ANTXR2: variants seen among roughly 807,000 people sequenced by gnomAD.
ANTXR2 encodes the protein anthrax toxin receptor 2.
ANTXR2 carries 44 observed loss-of-function variants against 73.7 expected under a neutral mutation model. That is an observed-to-expected ratio of 0.60 (90% CI 0.47 to 0.77). ANTXR2 has a LOEUF of 0.77. Ranked by LOEUF, ANTXR2 falls within the 30% of genes least tolerant of loss-of-function variation. The pLI, the probability that ANTXR2 is intolerant of heterozygous loss-of-function variation, is 0.00. For missense variants in ANTXR2, 604 were observed against 592.5 expected, an observed-to-expected ratio of 1.02 and a Z score of -0.20; for synonymous variants, 217 against 205.9, an observed-to-expected ratio of 1.05 and a Z score of -0.46.
intron 12 of ANTXR2, among the ~76,000 whole-genome samples, chr4:79,986,632 G>A (rs55790711): frequency 0.38 from 57,170 of 152,002 alleles, 12,446 homozygotes; most frequent in Non-Finnish European, 0.47. Flanking sequence ...TCATTTGTCT[G>A]CACCTCACAC....
intron 11 of ANTXR2, among the ~76,000 whole-genome samples, chr4:80,012,489 G>T (rs906514949): frequency 2.6e-5 from 4 of 152,152 alleles, no homozygotes; most frequent in Non-Finnish European, 4.4e-5. Flanking sequence ...CAATGGTAGA[G>T]TTAAGTAGTT....
At chr4:79,925,653 G>C (rs1200444030) in intron 16 of ANTXR2, among the ~76,000 whole-genome samples, 2 of 152,082 alleles carry the variant, frequency 1.3e-5, no homozygotes, top group African/African-American at 2.4e-5. Context: ...TATATCAAGA[G>C]AGTCATTCTC....
Position 79,977,642 on chromosome 4 carries a change from C to T in ANTXR2, c.1407G>A (p.Met469Ile), listed in dbSNP as rs1177691210. Residue 469 changes from methionine (M) to isoleucine (I), a missense_variant, in exon 16 of 17, where the codon ATG becomes ATA. Met to Ile is a conservative substitution (Grantham distance 10). Transcript: ENST00000403729. ...AAACCTCATCTCCTTCCTGAGGTCGCATCAAAGAAACCCGGTCATACTGCC... is the reference window on the plus strand; with the variant it reads ...AAACCTCATCTCCTTCCTGAGGTCGTATCAAAGAAACCCGGTCATACTGCC... ...LRRQYDRVSL[M>I]RPQEGDEGRC... 13 of 1,579,892 alleles carry T rather than the reference C, an allele frequency of 8.2e-6. No individual in the cohort carries two copies. The highest frequency in any genetic ancestry group is 1.0e-5 in the Non-Finnish European group (12 of 1,161,896).
intron 12 of ANTXR2, among the ~76,000 whole-genome samples, chr4:79,989,733 A>G (rs1182499965): frequency 6.6e-6 from 1 of 152,120 alleles, no homozygotes; most frequent in East Asian, 1.9e-4. Context: ...AAAATCCTCA[A>G]CAAAATACTA....
rs746115865 is a variant in ANTXR2 at position 79,910,813 on chromosome 4, G to A, written c.1429-3346C>T. ...CAGTGGAAAGGAGAGAAGAAAATAC[G>A]GAGAAAATAGATGAGAGTAGCACAG... On this transcript the variant is annotated intron_variant, in intron 16 of 16. Transcript: ENST00000403729. Among the ~76,000 whole-genome samples, 9 of 151,906 alleles carry A rather than the reference G, an allele frequency of 5.9e-5. No homozygotes were observed. The South Asian group carries it at 6.2e-4, about 11-fold the overall frequency.
chr4:80,042,102 G>C lies in ANTXR2; in HGVS notation c.637-6070C>G, dbSNP rs1227467946. On this transcript the variant is annotated intron_variant, in intron 7 of 16. Transcript: ENST00000403729. The stretch of plus-strand genomic sequence containing the variant: ...TTCTTTCTTGTCTTACTGTATTAAT[G>C]CTTTCTATCTCAAATTTGTTTTGCA... Among the ~76,000 whole-genome samples the C allele has an allele frequency of 2.6e-5, 4 of 151,772 alleles. No individual in the cohort carries two copies. The East Asian group carries it at 7.8e-4, about 29-fold the overall frequency.
intron 16 of ANTXR2, among the ~76,000 whole-genome samples, chr4:79,932,509 A>AAAATT (rs1728095444): frequency 6.6e-6 from 1 of 152,038 alleles, no homozygotes; most frequent in Non-Finnish European, 1.5e-5. Flanking sequence ...TTAGCATGTG[A>AAAATT]TGGCCAGGAG....
chr4:79,934,422 G>C (rs1040044137), intron 16 of ANTXR2, among the ~76,000 whole-genome samples: 1 of 152,032 alleles, frequency 6.6e-6, no homozygotes, highest in African/African-American at 2.4e-5. Context: ...AGCTACTTGG[G>C]AGGCTGAGGC....
At chr4:80,069,599 G>A (rs1268097587) in intron 2 of ANTXR2, 92 bp from the exon 3 acceptor site, 27 of 1,003,386 alleles carry the variant, frequency 2.7e-5, no homozygotes, top group South Asian at 2.0e-4. Flanking sequence ...ATTTAAAATT[G>A]GTCTCACTGA....
chr4:79,945,958 G>A (rs1728499602), intron 16 of ANTXR2, among the ~76,000 whole-genome samples: 2 of 152,008 alleles, frequency 1.3e-5, no homozygotes, highest in Admixed American at 1.3e-4. Flanking sequence ...GTAAGATGAA[G>A]GTGACAGAGA....
chr4:80,069,678 A>G (rs1199757126), intron 2 of ANTXR2, among the ~76,000 whole-genome samples, 171 bp from the exon 3 acceptor site: 1 of 152,204 alleles, frequency 6.6e-6, no homozygotes, highest in Non-Finnish European at 1.5e-5. Context: ...ATTGTTGCAT[A>G]AGTCATTTTG....
chr4:79,947,300 T>C (rs1001325787), intron 16 of ANTXR2, among the ~76,000 whole-genome samples: 2 of 152,124 alleles, frequency 1.3e-5, no homozygotes, highest in African/African-American at 4.8e-5. Flanking sequence ...TGCTACCCCC[T>C]CTTATAACTG....
intron 12 of ANTXR2, among the ~76,000 whole-genome samples, chr4:79,991,200 C>T (rs756037211): frequency 9.0e-4 from 137 of 152,148 alleles, no homozygotes; most frequent in South Asian, 1.7e-3. Context: ...GCAACCTATG[C>T]ATCCAGTAAA....
intron 10 of ANTXR2, among the ~76,000 whole-genome samples, chr4:80,025,794 G>T (rs1216011302): frequency 6.6e-6 from 1 of 152,042 alleles, no homozygotes; most frequent in African/African-American, 2.4e-5. Context: ...AAAGATTTTT[G>T]AATTAAATGA....
In ANTXR2 at chr4:80,069,496, C is replaced by T; in HGVS notation, c.236G>A (p.Arg79Lys). 6.2e-7 allele frequency: 1 copy of T among 1,601,862 alleles called. No individual in the cohort carries two copies. Among genetic ancestry groups the T allele is most frequent in the Non-Finnish European group, 8.5e-7 (1 of 1,172,626 alleles). The change falls in exon 3 of 17, where the codon AGA becomes AAA. Residue 79 changes from arginine to lysine, a missense_variant. Arg to Lys is a conservative substitution (Grantham distance 26, BLOSUM62 2). Transcript: ENST00000403729. ...AGAAGAAAACACAATGAAAGATAAT[C>T]TCATTTCAGGGCTGCAAAATAAGAA... The part of the protein sequence containing the change: ...LAERFVSPEM[R>K]LSFIVFSSQA...
At chr4:80,036,933 C>T (rs1391900045) in intron 7 of ANTXR2, among the ~76,000 whole-genome samples, 4 of 152,144 alleles carry the variant, frequency 2.6e-5, no homozygotes, top group Non-Finnish European at 5.9e-5. Flanking sequence ...AACATAGACT[C>T]CTTATATGAG....
intron 3 of ANTXR2, among the ~76,000 whole-genome samples, chr4:80,065,641 T>C (rs1377676335): frequency 6.6e-6 from 1 of 152,244 alleles, no homozygotes; most frequent in East Asian, 1.9e-4. Flanking sequence ...TGTTTATTAC[T>C]TTATTCATGC....
At chr4:80,037,491 C>T (rs950077725) in intron 7 of ANTXR2, among the ~76,000 whole-genome samples, 1 of 152,100 alleles carries the variant, frequency 6.6e-6, no homozygotes, top group African/African-American at 2.4e-5. Flanking sequence ...AAACAAACCT[C>T]GTAAAATTTT....
intron 14 of ANTXR2, among the ~76,000 whole-genome samples, chr4:79,981,871 A>G (rs1372523847): frequency 2.0e-5 from 3 of 152,178 alleles, no homozygotes; most frequent in African/African-American, 7.2e-5. Context: ...TTCGTCACAA[A>G]TTTTGTTCAA....
Sources: gnomAD v4.1 joint callset for allele counts (sites outside exome capture counted in the v4.1 genomes callset) on GRCh38, gnomAD v4.1.1 for gene constraint, MANE v1.5 for transcripts, NCBI Gene and HGNC (gene_info 2026-07-23, HGNC 2026-07-21) for gene names.